The following SPATS1 variants were observed in gnomAD, a reference collection of about 807,000 sequenced individuals.
SPATS1 encodes spermatogenesis-associated serine-rich protein 1.
SPATS1 carries 23 observed loss-of-function variants against 33.6 expected under a neutral mutation model. The observed-to-expected ratio is 0.68, with a 90% CI of 0.49 to 0.97. SPATS1 has a LOEUF of 0.97. SPATS1 is among the 50% of genes least tolerant of loss of function. The pLI is 0.00. For synonymous variants in SPATS1, 131 were observed against 125.6 expected (o/e 1.04, Z -0.29); for missense variants, 327 against 361.0 (o/e 0.91, Z 0.76).
rs1176282662 is a variant in SPATS1 at position 44,379,619 on chromosome 6, A to G, written c.*2556A>G. ...TGTCTCAAAAAAAAAAAAAAAAAAAAAAAAAAAAGAAAGAAAGAAAGAAAG... is the reference window on the plus strand; with the variant it reads ...TGTCTCAAAAAAAAAAAAAAAAAAAGAAAAAAAAGAAAGAAAGAAAGAAAG... On this transcript the variant is annotated 3_prime_UTR_variant, in exon 9 of 9. Transcript: ENST00000674044. Among the ~76,000 whole-genome samples, 1 of 149,138 alleles carries G rather than the reference A, an allele frequency of 6.7e-6. No individual in the cohort carries two copies. Among genetic ancestry groups the G allele is most frequent in the Non-Finnish European group, 1.5e-5 (1 of 67,300 alleles).
chr6:44,347,114 T>C (rs949777939), intron 2 of SPATS1, among the ~76,000 whole-genome samples: 1 of 152,008 alleles, frequency 6.6e-6, no homozygotes, highest in African/African-American at 2.4e-5. Flanking sequence ...CTCACCAAAC[T>C]AACGCAAAAA....
chr6:44,358,987 A>G lies in SPATS1; in HGVS notation c.288-1459A>G, dbSNP rs192012084. On this transcript the variant is annotated intron_variant, in intron 3 of 8. Transcript: ENST00000674044. ...TTAAAGAAATGGGATTTCACTCTGT[A>G]GCCCAGGCTGGAGTGCAGTGGCATA... 7.4e-4 allele frequency among the ~76,000 whole-genome samples: 112 copies of G among 152,312 alleles called. 1 individual carries two copies. Among genetic ancestry groups the G allele is most frequent in the Non-Finnish European group, 7.8e-4 (53 of 68,034 alleles).
intron 2 of SPATS1, chr6:44,343,504 C>G (rs1215342841): frequency 3.6e-6 from 2 of 551,596 alleles, no homozygotes; most frequent in Admixed American, 4.4e-5. Flanking sequence ...GTAAAGGGAG[C>G]CAGAGATTTG....
intron 5 of SPATS1, among the ~76,000 whole-genome samples, chr6:44,367,276 C>G (rs1789307557): frequency 6.6e-6 from 1 of 152,114 alleles, no homozygotes; most frequent in African/African-American, 2.4e-5. Flanking sequence ...TTAGTAGAGA[C>G]AGGGTTTCAC....
chr6:44,357,760 C>T (rs1223843037), intron 3 of SPATS1, among the ~76,000 whole-genome samples: 1 of 152,148 alleles, frequency 6.6e-6, no homozygotes, highest in African/African-American at 2.4e-5. Context: ...CCTGCCTACC[C>T]AGTTTTAATG....
At chr6:44,354,156 A>T (rs998023872) in intron 3 of SPATS1, among the ~76,000 whole-genome samples, 54 of 151,956 alleles carry the variant, frequency 3.6e-4, no homozygotes, top group African/African-American at 1.1e-3. Context: ...CAACACAGTG[A>T]GACTCCACTC....
chr6:44,357,468 G>A (rs1233711711), intron 3 of SPATS1, among the ~76,000 whole-genome samples: 1 of 152,000 alleles, frequency 6.6e-6, no homozygotes, highest in African/African-American at 2.4e-5. Context: ...CTGGAACCTT[G>A]GCCTCCTGGG....
chr6:44,345,473 G>T (rs1391380594), intron 2 of SPATS1, among the ~76,000 whole-genome samples: 1 of 152,086 alleles, frequency 6.6e-6, no homozygotes, highest in Non-Finnish European at 1.5e-5. Context: ...TTTACATTTT[G>T]TTCCTAACAC....
Position 44,352,822 on chromosome 6 carries a change from G to A in SPATS1, c.236G>A (p.Gly79Asp). The stretch of plus-strand genomic sequence containing the variant: ...AGTTCCTCATCTTCTGTGGAAACAG[G>A]CCCAAGTGTCAGTGAGCCTCCTGGC... ...SVSSSSSVET[G>D]PSVSEPPGLP... The change falls in exon 3 of 9, where the codon GGC (glycine) becomes GAC (aspartate). Residue 79 changes from glycine to aspartate, a missense_variant. Physicochemically the swap from Gly to Asp is moderately conservative, Grantham distance 94. Transcript: ENST00000674044. 6.2e-7 allele frequency: 1 copy of A among 1,614,158 alleles called. No individual in the cohort carries two copies. The highest frequency in any genetic ancestry group is 8.5e-7 in the Non-Finnish European group (1 of 1,180,022).
At chr6:44,358,909 A>G (rs1788742595) in intron 3 of SPATS1, among the ~76,000 whole-genome samples, 1 of 152,242 alleles carries the variant, frequency 6.6e-6, no homozygotes, top group African/African-American at 2.4e-5. Context: ...TAAAAATTGT[A>G]GTAAAATATA....
intron 3 of SPATS1, among the ~76,000 whole-genome samples, chr6:44,354,930 TC>T (rs1198023494): frequency 1.3e-5 from 2 of 152,144 alleles, no homozygotes; most frequent in Non-Finnish European, 2.9e-5. Flanking sequence ...TCCTCCTGCC[TC>T]AGCCTCCTGA....
rs1790038898 is a variant in SPATS1 at position 44,377,819 on chromosome 6, A to ATGTTTGTTG, written c.*757_*758insGTTTGTTGT. 6.6e-6 allele frequency: 1 copy of ATGTTTGTTG among 152,248 alleles called. No individual in the cohort carries two copies. The highest frequency in any genetic ancestry group is 2.4e-5 in the African/African-American group (1 of 41,420). 9.4% of individuals were successfully genotyped at this position (152,248 alleles called of 1,614,324 possible). On this transcript the variant is annotated 3_prime_UTR_variant, in exon 9 of 9. Coordinates refer to ENST00000674044, the MANE Select transcript of SPATS1 (RefSeq NM_001372081.1). ...TGGGGTCTCTTTTACAAGGGCACTA[A>ATGTTTGTTG]TCTCATTCATGAGGGCTCTGGTCTC...
rs756292403 is a variant in SPATS1 at position 44,368,346 on chromosome 6, T to C, written c.575-33T>C. ...CAAATCTGTGGATCATCTTCAGCCC[T>C]TGTATGATTTTGTTTTCAAACCTTC... On this transcript the variant is annotated intron_variant, in intron 5 of 8. Transcript: ENST00000674044. 1.9e-6 allele frequency: 3 copies of C among 1,608,240 alleles called. No individual in the cohort carries two copies. In the Admixed American group the frequency reaches 5.0e-5, roughly 27 times the overall value.
At position 44,368,370 on chromosome 6, in the gene SPATS1, T is replaced by C. The variant is rs1789373508; in HGVS notation, c.575-9T>C. 1 of 1,611,896 alleles carries C rather than the reference T, an allele frequency of 6.2e-7. No homozygotes were observed. Among genetic ancestry groups the C allele is most frequent in the Non-Finnish European group, 8.5e-7 (1 of 1,179,116 alleles). On this transcript the variant is annotated splice_polypyrimidine_tract_variant and intron_variant, in intron 5 of 8. Coordinates refer to ENST00000674044, the MANE Select transcript of SPATS1 (RefSeq NM_001372081.1). ...CTTGTATGATTTTGTTTTCAAACCT[T>C]CTCCACAGATATTGATCCCAGGAAT...
rs560969216 is a variant in SPATS1, at chr6:44,354,053, AC to A, written c.287+1181del. ...ACTTCGCCTCAAAAAAAAAAAAAAA[AC>A]AAAAAAAAGTCACATGGCTGGGCAT... On this transcript the variant is annotated intron_variant, in intron 3 of 8. Coordinates refer to ENST00000674044, the MANE Select transcript of SPATS1 (RefSeq NM_001372081.1). 1.1e-3 allele frequency among the ~76,000 whole-genome samples: 161 copies of A among 144,986 alleles called. 4 individuals are homozygous for A. The highest frequency in any genetic ancestry group is 2.9e-3 in the East Asian group (14 of 4,764).
At chr6:44,375,200 G>T (rs1789854957) in intron 7 of SPATS1, among the ~76,000 whole-genome samples, 1 of 152,200 alleles carries the variant, frequency 6.6e-6, no homozygotes, top group Non-Finnish European at 1.5e-5. Flanking sequence ...TCTGAAGACA[G>T]CTTAAGGAAA....
chr6:44,360,408 T>A (rs1788842050), intron 3 of SPATS1, 38 bp from the exon 4 acceptor site: 2 of 1,613,216 alleles, frequency 1.2e-6, no homozygotes, highest in Non-Finnish European at 1.7e-6. Context: ...TAACTACCAG[T>A]TTAAGCACGT....
chr6:44,364,745 T>G (rs764946537), intron 5 of SPATS1, among the ~76,000 whole-genome samples: 2 of 151,990 alleles, frequency 1.3e-5, no homozygotes, highest in Non-Finnish European at 2.9e-5. Context: ...CTTTTTTTCT[T>G]TCTGTCTTTC....
intron 5 of SPATS1, among the ~76,000 whole-genome samples, chr6:44,365,700 G>T (rs1343202801): frequency 6.6e-6 from 1 of 152,160 alleles, no homozygotes; most frequent in Non-Finnish European, 1.5e-5. Context: ...TAAACGCATC[G>T]GGGCACTGAA....
Sources: gnomAD v4.1 joint callset for allele counts (sites outside exome capture counted in the v4.1 genomes callset) on GRCh38, gnomAD v4.1.1 for gene constraint, MANE v1.5 for transcripts, NCBI Gene and HGNC (gene_info 2026-07-23, HGNC 2026-07-21) for gene names.